The following SSPN variants were observed in gnomAD, a reference collection of about 807,000 sequenced individuals.
The protein encoded by SSPN is K-ras oncogene-associated protein.
Under a neutral mutation model 19.1 loss-of-function variants are expected in SSPN, and 15 were observed. The ratio of observed to expected loss-of-function variants is 0.78; its 90% CI spans 0.52 to 1.21. The LOEUF (loss-of-function observed/expected upper bound fraction) is 1.21. Among genes scored for constraint, SSPN ranks in the 50% most tolerant of loss-of-function variants. The pLI, the probability that SSPN is intolerant of heterozygous loss-of-function variation, is 0.00. For missense variants in SSPN, 291 were observed against 314.0 expected (o/e 0.93, Z 0.55); for synonymous variants, 147 against 140.3 (o/e 1.05, Z -0.34).
intron 1 of SSPN, among the ~76,000 whole-genome samples, chr12:26,204,302 A>G (rs1442448806): frequency 6.6e-6 from 1 of 152,170 alleles, no homozygotes. Context: ...AGCTGTTTTC[A>G]TTGCATTTAC....
At chr12:26,153,956 C>A (rs1944541601) in intron 1 of SSPN, among the ~76,000 whole-genome samples, 1 of 152,212 alleles carries the variant, frequency 6.6e-6, no homozygotes, top group African/African-American at 2.4e-5. Context: ...TGCCTCTGAA[C>A]ATTTGTTCTG....
In SSPN at chr12:26,231,131, C is replaced by T. The variant is rs942922752; in HGVS notation, c.*55C>T. Reference sequence around the variant, plus strand: ...AGCACATGGAGTAGCTGAGGTTAAACAAACAAAAAAAAATTTTAAACAAAG... The same window carrying T: ...AGCACATGGAGTAGCTGAGGTTAAATAAACAAAAAAAAATTTTAAACAAAG... On this transcript the variant is annotated 3_prime_UTR_variant, in exon 3 of 3. Transcript: ENST00000242729. 9 of 1,461,810 alleles carry T rather than the reference C, an allele frequency of 6.2e-6. No homozygotes were observed. The highest frequency in any genetic ancestry group is 2.9e-5 in the African/African-American group (2 of 69,904). 90.6% of individuals were successfully genotyped at this position (1,461,810 alleles called of 1,614,324 possible). A position where few individuals can be genotyped will look rare whatever the true frequency, so the allele number is the denominator to read the frequency against.
In SSPN at chr12:26,232,846, T is replaced by C. The variant is rs2137527086; in HGVS notation, c.*1770T>C. Reference sequence around the variant, plus strand: ...CATTGGAGAGCTTAGAGGATAAGTCTCTGGAGCAGAATTTATCACACACAA... The same window carrying C: ...CATTGGAGAGCTTAGAGGATAAGTCCCTGGAGCAGAATTTATCACACACAA... On this transcript the variant is annotated 3_prime_UTR_variant, in exon 3 of 3. Coordinates refer to ENST00000242729, the MANE Select transcript of SSPN (RefSeq NM_005086.5). The C allele has an allele frequency of 2.4e-6, 1 of 416,250 alleles. No individual in the cohort carries two copies. The highest frequency in any genetic ancestry group is 6.6e-5 in the Admixed American group (1 of 15,092). The allele number at this position is 416,250 out of a possible 1,614,324, so 25.8% of individuals were successfully genotyped here. A position where few individuals can be genotyped will look rare whatever the true frequency, so the allele number is the denominator to read the frequency against.
chr12:26,177,898 G>A (rs771083681), intron 1 of SSPN, among the ~76,000 whole-genome samples: 12 of 152,048 alleles, frequency 7.9e-5, no homozygotes, highest in African/African-American at 2.9e-4. Flanking sequence ...GTCCACTAAC[G>A]ACAGCCCTAG....
intron 1 of SSPN, among the ~76,000 whole-genome samples, chr12:26,197,653 C>G (rs1255798165): frequency 6.6e-6 from 1 of 152,200 alleles, no homozygotes; most frequent in Non-Finnish European, 1.5e-5. Flanking sequence ...AACCATGCAA[C>G]TCAGAAATTT....
At chr12:26,122,251 G>T (rs1423806599) in intron 1 of SSPN, 2 of 1,272,026 alleles carry the variant, frequency 1.6e-6, no homozygotes, top group East Asian at 3.3e-5. Context: ...TTCTCGGGAG[G>T]GGGCGACAAC....
Position 26,230,786 on chromosome 12 carries a change from T to G in SSPN, c.442T>G (p.Ser148Ala). Residue 148 changes from serine (S) to alanine (A), a missense_variant, in exon 3 of 3, where the codon TCG (serine) becomes GCG (alanine). By Grantham distance (99) the Ser-to-Ala change is moderately conservative (BLOSUM62 1). Around this residue, in one of 3 missense-constraint regions of SSPN, gnomAD observed 141 missense variants for 166.7 expected, o/e 0.85. Transcript: ENST00000242729. ...LAVAFAAHHY[S>A]QLTQFTCETT... ...CGTGGCCTTTGCCGCCCACCACTAT[T>G]CGCAGCTCACACAGTTTACCTGTGA... The G allele has an allele frequency of 6.2e-7, 1 of 1,614,218 alleles. No homozygotes were observed. Among genetic ancestry groups the G allele is most frequent in the Non-Finnish European group, 8.5e-7 (1 of 1,180,026 alleles).
intron 1 of SSPN, among the ~76,000 whole-genome samples, chr12:26,210,804 T>G (rs1944977628): frequency 6.6e-6 from 1 of 152,282 alleles, no homozygotes; most frequent in Admixed American, 6.5e-5. Flanking sequence ...TTTCCTATAA[T>G]TTAGTCCTTA....
rs752651978 is a variant in SSPN at position 26,122,347 on chromosome 12, G to A, written c.-31+195G>A. 1.5e-4 allele frequency: 176 copies of A among 1,182,368 alleles called. No individual in the cohort carries two copies. Among genetic ancestry groups the A allele is most frequent in the Middle Eastern group, 3.3e-4 (1 of 3,002 alleles). 73.2% of individuals were successfully genotyped at this position (1,182,368 alleles called of 1,614,324 possible). ...GCTGCCGCCGGGGCGGGGATGCCGG[G>A]GTATAGCAGCGGGAACGGGGCGGCA... On this transcript the variant is annotated intron_variant, in intron 1 of 2. Transcript: ENST00000538142.
chr12:26,230,552 T>C (rs1466340295), intron 2 of SSPN, among the ~76,000 whole-genome samples, 159 bp from the exon 3 acceptor site: 1 of 152,244 alleles, frequency 6.6e-6, no homozygotes, highest in African/African-American at 2.4e-5. Flanking sequence ...AACATGGAGC[T>C]ATTTCCATGT....
At chr12:26,140,213 C>T (rs1017389360) in intron 1 of SSPN, among the ~76,000 whole-genome samples, 6 of 152,116 alleles carry the variant, frequency 3.9e-5, no homozygotes, top group Non-Finnish European at 7.3e-5. Flanking sequence ...CCTGGTACGT[C>T]GTAATGTCCA....
chr12:26,228,184 T>C (rs1159294620), intron 2 of SSPN, among the ~76,000 whole-genome samples: 1 of 151,776 alleles, frequency 6.6e-6, no homozygotes, highest in Non-Finnish European at 1.5e-5. Context: ...TCACTTGAGG[T>C]CAGGAGTTCA....
chr12:26,216,114 A>G (rs1194416974), intron 1 of SSPN, among the ~76,000 whole-genome samples: 1 of 152,336 alleles, frequency 6.6e-6, no homozygotes, highest in South Asian at 2.1e-4. Flanking sequence ...TAGTAGTAGT[A>G]TATTATTGTT....
chr12:26,147,898 C>T (rs1944502295), intron 1 of SSPN, among the ~76,000 whole-genome samples: 1 of 151,902 alleles, frequency 6.6e-6, no homozygotes, highest in South Asian at 2.1e-4. Context: ...TGTACCTCTG[C>T]GTTTGCACTA....
intron 1 of SSPN, among the ~76,000 whole-genome samples, chr12:26,220,565 G>C (rs1186804719): frequency 6.6e-6 from 1 of 152,150 alleles, no homozygotes; most frequent in African/African-American, 2.4e-5. Context: ...TCTGTTTTCA[G>C]ACTCTCTCTG....
rs1945245074 is a variant in SSPN at position 26,232,618 on chromosome 12, C to A, written c.*1542C>A. On this transcript the variant is annotated 3_prime_UTR_variant, in exon 3 of 3. Transcript: ENST00000242729. ...TGTCTTAGAAGAAAGTGGAATAATT[C>A]CACTGATTGTGATAATGGTTTCAAT... 3.0e-6 allele frequency: 3 copies of A among 985,156 alleles called. No homozygotes were observed. Among genetic ancestry groups the A allele is most frequent in the Non-Finnish European group, 3.6e-6 (3 of 829,804 alleles). The allele number at this position is 985,156 out of a possible 1,614,324, so 61.0% of individuals were successfully genotyped here.
chr12:26,222,858 C>T (rs976872592), intron 1 of SSPN, among the ~76,000 whole-genome samples: 1 of 152,190 alleles, frequency 6.6e-6, no homozygotes, highest in African/African-American at 2.4e-5. Context: ...GTCACTGATA[C>T]ACCAAAGCTT....
chr12:26,172,825 G>A (rs563104046), intron 1 of SSPN, among the ~76,000 whole-genome samples: 2 of 151,256 alleles, frequency 1.3e-5, no homozygotes, highest in Non-Finnish European at 2.9e-5. Context: ...GCAGTGGCGC[G>A]ATTAGAATCC....
chr12:26,226,915 C>A (rs958649665), intron 2 of SSPN, among the ~76,000 whole-genome samples: 1 of 152,108 alleles, frequency 6.6e-6, no homozygotes, highest in Non-Finnish European at 1.5e-5. Flanking sequence ...GTGAAAGCTG[C>A]AGGCCGGGTA....
Sources: gnomAD v4.1 joint callset for allele counts (sites outside exome capture counted in the v4.1 genomes callset) on GRCh38, gnomAD v4.1.1 for gene constraint, gnomAD v4.1.1 regional missense constraint, MANE v1.5 for transcripts, NCBI Gene and HGNC (gene_info 2026-07-23, HGNC 2026-07-21) for gene names.